The following CRISPLD2 variants were observed in gnomAD, a reference collection of about 807,000 sequenced individuals.
The protein encoded by CRISPLD2 is cysteine-rich secretory protein LCCL domain-containing 2.
Under a neutral mutation model 71.1 loss-of-function variants are expected in CRISPLD2, and 47 were observed. The observed-to-expected ratio is 0.66, with a 90% CI of 0.52 to 0.84. The LOEUF is 0.84. CRISPLD2 is among the 40% of genes least tolerant of loss of function. The pLI is 0.00. For synonymous variants in CRISPLD2, 317 were observed against 250.1 expected, an observed-to-expected ratio of 1.27 and a Z score of -2.52; for missense variants, 830 against 651.1, an observed-to-expected ratio of 1.27 and a Z score of -2.99.
chr16:84,906,828 C>T lies in CRISPLD2; in HGVS notation c.*186C>T. ...TCCCCTCACTGAAGCAACAGCATCC[C>T]AAGGTGCTCAGCCGGACTCCCTGGT... On this transcript the variant is annotated 3_prime_UTR_variant, in exon 15 of 15. Transcript: ENST00000262424. The T allele has an allele frequency of 1.4e-6, 1 of 723,952 alleles. No homozygotes were observed. Among genetic ancestry groups the T allele is most frequent in the East Asian group, 2.7e-5 (1 of 36,470 alleles). The allele number at this position is 723,952 out of a possible 1,614,324, so 44.8% of individuals were successfully genotyped here. A position where few individuals can be genotyped will look rare whatever the true frequency, so the allele number is the denominator to read the frequency against.
chr16:84,880,190 G>A (rs1204821983), intron 12 of CRISPLD2, among the ~76,000 whole-genome samples: 1 of 152,132 alleles, frequency 6.6e-6, no homozygotes, highest in Non-Finnish European at 1.5e-5. Flanking sequence ...ATCCAAGAAT[G>A]GGAGGGGCAG....
intron 1 of CRISPLD2, among the ~76,000 whole-genome samples, chr16:84,829,954 A>G (rs954550794): frequency 6.6e-6 from 1 of 152,214 alleles, no homozygotes; most frequent in Non-Finnish European, 1.5e-5. Flanking sequence ...AAGTTGATTG[A>G]ACAAGGCTCA....
At chr16:84,827,789 A>G (rs907183597) in intron 1 of CRISPLD2, among the ~76,000 whole-genome samples, 2 of 150,086 alleles carry the variant, frequency 1.3e-5, no homozygotes, top group Admixed American at 1.3e-4. Flanking sequence ...CTGGTCTCGA[A>G]CTCCTGACCT....
intron 13 of CRISPLD2, among the ~76,000 whole-genome samples, chr16:84,885,381 C>G (rs950172437): frequency 6.6e-6 from 1 of 152,248 alleles, no homozygotes; most frequent in Admixed American, 6.5e-5. Flanking sequence ...GCACAAAGCT[C>G]TTTGAGAATT....
intron 2 of CRISPLD2, among the ~76,000 whole-genome samples, chr16:84,844,171 T>C (rs12932183): frequency 0.61 from 92,487 of 152,114 alleles, 28,727 homozygotes; most frequent in Admixed American, 0.68. Flanking sequence ...AAGGACACGC[T>C]TGCTCTGTTC....
intron 5 of CRISPLD2, among the ~76,000 whole-genome samples, chr16:84,851,611 C>T (rs1280611155): frequency 2.0e-5 from 3 of 152,188 alleles, no homozygotes; most frequent in African/African-American, 7.2e-5. Context: ...GGTGTGCCTG[C>T]GGTGGCGTGG....
chr16:84,839,711 G>C (rs1022451629), intron 2 of CRISPLD2: 2 of 152,150 alleles, frequency 1.3e-5, no homozygotes, highest in Non-Finnish European at 2.9e-5. Context: ...AGTCTTCCAG[G>C]GTCCCTCCTC....
intron 4 of CRISPLD2, among the ~76,000 whole-genome samples, chr16:84,849,892 A>T (rs963931661): frequency 1.3e-3 from 173 of 129,996 alleles, no homozygotes; most frequent in African/African-American, 5.3e-3. Context: ...TAATTTTTGT[A>T]TTTTTTTTTT....
intron 3 of CRISPLD2, among the ~76,000 whole-genome samples, chr16:84,848,342 C>T (rs1163493793): frequency 1.3e-5 from 2 of 152,142 alleles, no homozygotes; most frequent in African/African-American, 2.4e-5. Context: ...CCACATGGCC[C>T]TTAAAAATGG....
At chr16:84,834,785 G>A (rs894760205) in intron 1 of CRISPLD2, among the ~76,000 whole-genome samples, 7 of 152,058 alleles carry the variant, frequency 4.6e-5, no homozygotes, top group Non-Finnish European at 7.4e-5. Flanking sequence ...GCTGGCAGAC[G>A]GCGTCTTCTC....
At chr16:84,879,686 C>G (rs538387035) in intron 12 of CRISPLD2, among the ~76,000 whole-genome samples, 62 of 151,742 alleles carry the variant, frequency 4.1e-4, no homozygotes, top group African/African-American at 1.4e-3. Context: ...TAAATCCACA[C>G]ACACACCCTT....
Position 84,889,211 on chromosome 16 carries a change from G to T in CRISPLD2, c.1306-19G>T. ...GCTGGAATCCGCATCGCTGATCACA[G>T]CCCTTCCTGTGCTTCCAGACCTCAA... On this transcript the variant is annotated intron_variant, in intron 13 of 14. Coordinates refer to ENST00000262424, the MANE Select transcript of CRISPLD2 (RefSeq NM_031476.4). 1 of 1,613,938 alleles carries T rather than the reference G, an allele frequency of 6.2e-7. No homozygotes were observed. Among genetic ancestry groups the T allele is most frequent in the Non-Finnish European group, 8.5e-7 (1 of 1,179,908 alleles).
chr16:84,852,451 C>T (rs1917116143), intron 5 of CRISPLD2, among the ~76,000 whole-genome samples: 1 of 152,256 alleles, frequency 6.6e-6, no homozygotes, highest in African/African-American at 2.4e-5. Flanking sequence ...AGCACACTCC[C>T]TGTACCCCCA....
At chr16:84,890,694 G>T (rs2143350014) in intron 14 of CRISPLD2, among the ~76,000 whole-genome samples, 1 of 151,634 alleles carries the variant, frequency 6.6e-6, no homozygotes, top group South Asian at 2.1e-4. Context: ...CTGAGGTCAG[G>T]TGAGGCAGGA....
At chr16:84,898,324 G>T (rs927425508) in intron 14 of CRISPLD2, among the ~76,000 whole-genome samples, 1 of 151,928 alleles carries the variant, frequency 6.6e-6, no homozygotes, top group Non-Finnish European at 1.5e-5. Context: ...AATCAAATCC[G>T]CCCCACTCCC....
intron 3 of CRISPLD2, chr16:84,849,087 C>G: frequency 3.3e-6 from 1 of 300,440 alleles, no homozygotes. Context: ...ACTAGAGACC[C>G]CAGGTGAGCT....
chr16:84,880,633 C>G (rs1221610875), intron 13 of CRISPLD2, 49 bp downstream of exon 13: 2 of 1,431,236 alleles, frequency 1.4e-6, no homozygotes, highest in Non-Finnish European at 2.0e-6. Flanking sequence ...CTGTTAAAGA[C>G]CTCAACATGC....
chr16:84,839,223 C>T (rs915253684), intron 2 of CRISPLD2: 3 of 328,114 alleles, frequency 9.1e-6, no homozygotes, highest in African/African-American at 2.2e-5. Flanking sequence ...AAACAACACA[C>T]GTGGGTTCCC....
At chr16:84,865,644 G>A (rs1917516036) in intron 6 of CRISPLD2, among the ~76,000 whole-genome samples, 1 of 152,112 alleles carries the variant, frequency 6.6e-6, no homozygotes, top group Non-Finnish European at 1.5e-5. Flanking sequence ...ATAAGTAAAG[G>A]TATTAAGTGT....
Sources: gnomAD v4.1 joint callset for allele counts (sites outside exome capture counted in the v4.1 genomes callset) on GRCh38, gnomAD v4.1.1 for gene constraint, MANE v1.5 for transcripts, NCBI Gene and HGNC (gene_info 2026-07-23, HGNC 2026-07-21) for gene names.